RPS6KL1: variants seen among roughly 807,000 people sequenced by gnomAD.
RPS6KL1 encodes ribosomal protein S6 kinase-like 1.
In RPS6KL1, 41 loss-of-function variants were observed where a neutral mutation model predicts 57.0. The observed-to-expected ratio is 0.72, with a 90% CI of 0.56 to 0.93. The LOEUF (loss-of-function observed/expected upper bound fraction) is 0.93. RPS6KL1 is among the 40% of genes least tolerant of loss of function. The probability of loss-of-function intolerance (pLI) is 0.00; values close to 1 mark genes in which losing one functional copy is unlikely to be tolerated. For synonymous variants in RPS6KL1, 287 were observed against 309.7 expected, an observed-to-expected ratio of 0.93 and a Z score of 0.77; for missense variants, 697 against 727.7, an observed-to-expected ratio of 0.96 and a Z score of 0.49.
At position 74,906,408 on chromosome 14, in the gene RPS6KL1, G is replaced by GC; in HGVS notation, c.*605_*606insG. On this transcript the variant is annotated 3_prime_UTR_variant, in exon 12 of 12. Coordinates refer to ENST00000557413, the MANE Select transcript of RPS6KL1 (RefSeq NM_031464.5). ...TAGGGGGCATGGTCAGGAATCGGGGGTGGGGGGGTGGGGGTGGGGGTCATC... is the reference window on the plus strand; with the variant it reads ...TAGGGGGCATGGTCAGGAATCGGGGGCTGGGGGGGTGGGGGTGGGGGTCATC... 1 of 200,514 alleles carries GC rather than the reference G, an allele frequency of 5.0e-6. No individual in the cohort carries two copies. The highest frequency in any genetic ancestry group is 9.8e-6 in the Non-Finnish European group (1 of 101,862). 12.4% of individuals were successfully genotyped at this position (200,514 alleles called of 1,614,324 possible). A position where few individuals can be genotyped will look rare whatever the true frequency, so the allele number is the denominator to read the frequency against.
chr14:74,912,019 C>T (rs746526697), intron 5 of RPS6KL1, among the ~76,000 whole-genome samples, 178 bp from the exon 6 acceptor site: 16 of 152,142 alleles, frequency 1.1e-4, no homozygotes, highest in Non-Finnish European at 2.1e-4. Context: ...TGCTCACCCA[C>T]CCCTGCTAGA....
intron 8 of RPS6KL1, 64 bp downstream of exon 8, chr14:74,909,479 A>G: frequency 6.6e-7 from 1 of 1,519,768 alleles, no homozygotes; most frequent in Non-Finnish European, 8.8e-7. Context: ...GACTTTGGGG[A>G]TCTCTCGTCC....
chr14:74,921,647 A>G, intron 2 of RPS6KL1, 86 bp from the exon 3 acceptor site: 1 of 1,488,706 alleles, frequency 6.7e-7, no homozygotes, highest in South Asian at 1.3e-5. Context: ...AATGTCAGGG[A>G]GACTCATATT....
Position 74,906,956 on chromosome 14 carries a change from G to T in RPS6KL1, c.*58C>A. On this transcript the variant is annotated 3_prime_UTR_variant, in exon 12 of 12. Coordinates refer to ENST00000557413, the MANE Select transcript of RPS6KL1 (RefSeq NM_031464.5). ...GGGCCAGCCCTGGGTTGGGTGTCAG[G>T]CAAGGAGGAGAGGCGATCCAGACCA... 7.5e-7 allele frequency: 1 copy of T among 1,326,454 alleles called. No individual in the cohort carries two copies. Among genetic ancestry groups the T allele is most frequent in the Non-Finnish European group, 1.1e-6 (1 of 926,148 alleles). The allele number at this position is 1,326,454 out of a possible 1,614,324, so 82.2% of individuals were successfully genotyped here. A position where few individuals can be genotyped will look rare whatever the true frequency, so the allele number is the denominator to read the frequency against.
chr14:74,919,841 T>A lies in RPS6KL1; in HGVS notation c.390+4A>T. On this transcript the variant is annotated splice_donor_region_variant and intron_variant, in intron 4 of 11. Coordinates refer to ENST00000557413, the MANE Select transcript of RPS6KL1 (RefSeq NM_031464.5). ...AGGCCTTTGGGTGGGGGGGGTCTCC[T>A]CACCGCGCTGGGGCTGGCTCCACTG... 1 of 1,608,432 alleles carries A rather than the reference T, an allele frequency of 6.2e-7. No individual in the cohort carries two copies. The highest frequency in any genetic ancestry group is 8.5e-7 in the Non-Finnish European group (1 of 1,177,452).
Position 74,911,310 on chromosome 14 carries a change from G to T in RPS6KL1, c.602C>A (p.Thr201Lys). 1 of 1,612,492 alleles carries T rather than the reference G, an allele frequency of 6.2e-7. No individual in the cohort carries two copies. Among genetic ancestry groups the T allele is most frequent in the Admixed American group, 1.7e-5 (1 of 60,010 alleles). ...GCTCACAAAGTACCTGAGCAGCTTC[G>T]TCATGTAGGGGACTCCGTGTGGGAT... ...TIIPHGVPYM[T>K]KLLRYFVSED... Residue 201 changes from threonine (T) to lysine (K), a missense_variant, in exon 7 of 12, where the codon ACG becomes AAG. Thr to Lys is a moderately conservative substitution (Grantham distance 78). Transcript: ENST00000557413.
Position 74,907,498 on chromosome 14 carries a change from C to T in RPS6KL1, c.1476G>A (p.Gln492=), listed in dbSNP as rs765073031. 3.8e-6 allele frequency: 6 copies of T among 1,584,460 alleles called. No individual in the cohort carries two copies. The South Asian group carries it at 6.9e-5, about 18-fold the overall frequency. ...CGGGCAGCTGGAGCTGGGTGTGGGCCTGGATTCCTGAAGGGTGGCTCTGGG... is the reference window on the plus strand; with the variant it reads ...CGGGCAGCTGGAGCTGGGTGTGGGCTTGGATTCCTGAAGGGTGGCTCTGGG... ...ALSQSHPSGI[Q]AHTQLQLPEW... The change falls in exon 11 of 12, where the codon CAG becomes CAA. Residue 492 remains glutamine, a synonymous_variant. Coordinates refer to ENST00000557413, the MANE Select transcript of RPS6KL1 (RefSeq NM_031464.5).
chr14:74,914,724 T>G (rs1886566057), intron 5 of RPS6KL1, among the ~76,000 whole-genome samples: 2 of 152,218 alleles, frequency 1.3e-5, no homozygotes, highest in African/African-American at 4.8e-5. Context: ...TATTATTTAT[T>G]TTTTTGAGAC....
At chr14:74,915,181 A>G (rs1175032531) in intron 5 of RPS6KL1, among the ~76,000 whole-genome samples, 2 of 152,226 alleles carry the variant, frequency 1.3e-5, no homozygotes, top group Non-Finnish European at 2.9e-5. Context: ...GACTGGTGCA[A>G]CTGAGACACA....
rs1409026653 is a variant in RPS6KL1, at chr14:74,918,609, C to A, written c.391-4G>T. 2.6e-6 allele frequency: 4 copies of A among 1,532,868 alleles called. No individual in the cohort carries two copies. The African/African-American group carries it at 5.5e-5, about 21-fold the overall frequency. 95.0% of individuals were successfully genotyped at this position (1,532,868 alleles called of 1,614,324 possible). A position where few individuals can be genotyped will look rare whatever the true frequency, so the allele number is the denominator to read the frequency against. ...GGAGCCTCAGGCTGCTGAAACCCTG[C>A]AGAGGAGGGAGACAGGCCACACACA... On this transcript the variant is annotated splice_polypyrimidine_tract_variant and splice_region_variant and intron_variant, in intron 4 of 11. Coordinates refer to ENST00000557413, the MANE Select transcript of RPS6KL1 (RefSeq NM_031464.5).
intron 5 of RPS6KL1, among the ~76,000 whole-genome samples, chr14:74,913,813 A>G (rs1594930857): frequency 6.6e-6 from 1 of 152,216 alleles, no homozygotes; most frequent in Non-Finnish European, 1.5e-5. Context: ...CGTGATTATT[A>G]CCAGTGTCAT....
chr14:74,909,384 G>C (rs1885498812), intron 8 of RPS6KL1, 159 bp downstream of exon 8: 2 of 1,076,918 alleles, frequency 1.9e-6, no homozygotes, highest in Non-Finnish European at 1.3e-6. Flanking sequence ...GTACTCCCAG[G>C]AGCCTCGGCC....
chr14:74,907,634 G>A, intron 10 of RPS6KL1, 104 bp from the exon 11 acceptor site: 4 of 1,063,368 alleles, frequency 3.8e-6, no homozygotes, highest in Non-Finnish European at 5.4e-6. Flanking sequence ...CCATGAGGAG[G>A]ATGACAATAA....
In RPS6KL1 at chr14:74,907,564, C is replaced by G. The variant is rs1885132475; in HGVS notation, c.1444-34G>C. On this transcript the variant is annotated intron_variant, in intron 10 of 11. Coordinates refer to ENST00000557413, the MANE Select transcript of RPS6KL1 (RefSeq NM_031464.5). ...ACACAGGGAAGGGCCTCTGAGGAGGCAACCCCAGGACCGTCTACACTCCAG... is the reference window on the plus strand; with the variant it reads ...ACACAGGGAAGGGCCTCTGAGGAGGGAACCCCAGGACCGTCTACACTCCAG... 3.2e-6 allele frequency: 5 copies of G among 1,544,634 alleles called. No individual in the cohort carries two copies. In the South Asian group the frequency reaches 6.0e-5, roughly 18 times the overall value.
intron 1 of RPS6KL1, among the ~76,000 whole-genome samples, 169 bp from the exon 2 acceptor site, chr14:74,922,654 T>C (rs1888023187): frequency 6.6e-6 from 1 of 152,108 alleles, no homozygotes; most frequent in Admixed American, 6.5e-5. Flanking sequence ...TCCTGAGCAA[T>C]GTGTGACCCA....
chr14:74,907,188 G>T, intron 11 of RPS6KL1, 64 bp from the exon 12 acceptor site: 1 of 1,433,742 alleles, frequency 7.0e-7, no homozygotes, highest in South Asian at 1.3e-5. Flanking sequence ...GACCTCCAGG[G>T]ACTCCAACCA....
At chr14:74,911,724 T>G in intron 6 of RPS6KL1, 70 bp downstream of exon 6, 1 of 1,404,736 alleles carries the variant, frequency 7.1e-7, no homozygotes, top group Non-Finnish European at 9.9e-7. Context: ...AGGTTCTGGG[T>G]AGGAGTTTCC....
intron 2 of RPS6KL1, 33 bp from the exon 3 acceptor site, chr14:74,921,594 G>A (rs1312844853): frequency 6.3e-7 from 1 of 1,580,610 alleles, no homozygotes; most frequent in South Asian, 1.1e-5. Context: ...GGAGGACCTA[G>A]CTGGTAGCAA....
In RPS6KL1 at chr14:74,922,422, G is replaced by T; in HGVS notation, c.-465C>A. 1.1e-6 allele frequency: 1 copy of T among 876,502 alleles called. No individual in the cohort carries two copies. Among genetic ancestry groups the T allele is most frequent in the Non-Finnish European group, 1.4e-6 (1 of 729,870 alleles). The allele number at this position is 876,502 out of a possible 1,614,324, so 54.3% of individuals were successfully genotyped here. A position where few individuals can be genotyped will look rare whatever the true frequency, so the allele number is the denominator to read the frequency against. On this transcript the variant is annotated 5_prime_UTR_variant, in exon 2 of 12. Transcript: ENST00000557413. ...TTCCCTTGGTCCTGAGGTCAGTGTG[G>T]TCAGCGAGTGAGGACCCCTCCTGGA...
Sources: allele counts gnomAD v4.1 joint callset (sites outside exome capture counted in the v4.1 genomes callset), GRCh38; gene constraint gnomAD v4.1.1; transcripts MANE v1.5; gene names NCBI Gene and HGNC (gene_info 2026-07-23, HGNC 2026-07-21).